PUDP: variants seen among roughly 807,000 people sequenced by gnomAD.
PUDP encodes pseudouridine 5'-phosphatase.
Under a neutral mutation model 9.4 loss-of-function variants are expected in PUDP, and 8 were observed. The observed-to-expected ratio is 0.85, with a 90% CI of 0.50 to 1.53. The LOEUF is 1.53. PUDP is among the 40% of genes most tolerant of loss of function. The pLI, the probability that PUDP is intolerant of heterozygous loss-of-function variation, is 0.00. For missense variants in PUDP, 188 were observed against 189.7 expected, an observed-to-expected ratio of 0.99 and a Z score of 0.05; for synonymous variants, 99 against 80.7, an observed-to-expected ratio of 1.23 and a Z score of -1.22.
At chrX:6,932,684 A>C (rs756704947) in intron 3 of PUDP, among the ~76,000 whole-genome samples, 2 of 112,240 alleles carry the variant, frequency 1.8e-5, no homozygotes, top group East Asian at 5.7e-4. Flanking sequence ...TCACTTGGGA[A>C]GCGCAAGGGG....
At chrX:7,105,921 T>C in intron 1 of PUDP, 83 bp from the exon 2 acceptor site, 2 of 622,431 alleles carry the variant, frequency 3.2e-6, no homozygotes, top group Non-Finnish European at 4.9e-6. Context: ...ACATACACTG[T>C]GTAGGTCTCA....
chrX:6,943,060 C>T (rs980373570), intron 3 of PUDP, among the ~76,000 whole-genome samples: 1 of 112,196 alleles, frequency 8.9e-6, no homozygotes, highest in African/African-American at 3.2e-5. Flanking sequence ...AACATCTCAT[C>T]AACCCCCTTT....
At chrX:6,848,869 C>A (rs763014558) in intron 3 of PUDP, among the ~76,000 whole-genome samples, 1 of 112,364 alleles carries the variant, frequency 8.9e-6, no homozygotes, top group Non-Finnish European at 1.9e-5. Flanking sequence ...GCCTACAGAA[C>A]CATGAGCCAA....
In PUDP at chrX:7,147,984, C is replaced by G. The variant is rs754264736; in HGVS notation, c.61+69G>C. 52 of 864,772 alleles carry G rather than the reference C, an allele frequency of 6.0e-5. No individual in the cohort carries two copies. The African/African-American group carries it at 9.9e-4, about 16-fold the overall frequency. 71.3% of individuals were successfully genotyped at this position (864,772 alleles called of 1,213,427 possible). A position where few individuals can be genotyped will look rare whatever the true frequency, so the allele number is the denominator to read the frequency against. Reference sequence around the variant, plus strand: ...CCGCGGCCCCCAGGCCGTGACGTACCCCGCGCCGACCGTCCCCACGCCCAC... The same window carrying G: ...CCGCGGCCCCCAGGCCGTGACGTACGCCGCGCCGACCGTCCCCACGCCCAC... On this transcript the variant is annotated intron_variant, in intron 1 of 3. Transcript: ENST00000381077.
At chrX:6,942,528 T>C (rs2146777603) in intron 3 of PUDP, among the ~76,000 whole-genome samples, 1 of 111,722 alleles carries the variant, frequency 9.0e-6, no homozygotes, top group African/African-American at 3.3e-5. Flanking sequence ...TCAAAATAAT[T>C]CTTAGGGCCA....
intron 1 of PUDP, among the ~76,000 whole-genome samples, chrX:7,035,873 AT>A (rs1400140416): frequency 1.8e-5 from 2 of 111,786 alleles, no homozygotes; most frequent in Non-Finnish European, 3.8e-5. Context: ...TGTTTGGGTC[AT>A]GGGGACAGAT....
intron 2 of PUDP, among the ~76,000 whole-genome samples, chrX:7,086,707 G>C (rs185287791): frequency 1.8e-5 from 2 of 112,304 alleles, no homozygotes; most frequent in African/African-American, 6.5e-5. Flanking sequence ...TGCTGCTAGG[G>C]AGAGGGCCCT....
intron 3 of PUDP, among the ~76,000 whole-genome samples, chrX:6,790,901 G>C (rs1012463807): frequency 6.3e-5 from 7 of 111,789 alleles, no homozygotes; most frequent in Non-Finnish European, 1.1e-4. Flanking sequence ...GCATTACATT[G>C]TACGTAAATT....
At chrX:6,720,270 A>G (rs1161046488) in intron 1 of PUDP, among the ~76,000 whole-genome samples, 2 of 86,284 alleles carry the variant, frequency 2.3e-5, no homozygotes, top group Non-Finnish European at 4.4e-5. Flanking sequence ...ATATATATAT[A>G]TATATATATA....
At chrX:7,109,981 CCT>C (rs1931993362) in intron 1 of PUDP, among the ~76,000 whole-genome samples, 1 of 112,238 alleles carries the variant, frequency 8.9e-6, no homozygotes, top group Non-Finnish European at 1.9e-5. Context: ...CCACTCCCCT[CCT>C]CCCAGCTGGA....
chrX:7,017,041 C>T (rs1929559689), intron 1 of PUDP, among the ~76,000 whole-genome samples: 1 of 111,838 alleles, frequency 8.9e-6, no homozygotes, highest in Admixed American at 9.5e-5. Context: ...TTACAGCAAA[C>T]ATTCTTTTTG....
chrX:6,933,875 G>A (rs1359479933), intron 3 of PUDP, among the ~76,000 whole-genome samples: 3 of 110,982 alleles, frequency 2.7e-5, no homozygotes, highest in African/African-American at 9.8e-5. Context: ...TGCAAGAAAG[G>A]GTATCAGTGA....
chrX:6,906,723 A>G (rs927374363), intron 3 of PUDP, among the ~76,000 whole-genome samples: 3 of 111,913 alleles, frequency 2.7e-5, no homozygotes, highest in Non-Finnish European at 5.6e-5. Flanking sequence ...GCTGGGGGGA[A>G]AAGTAAAACA....
intron 1 of PUDP, chrX:7,113,371 G>A (rs539628539): frequency 2.3e-4 from 26 of 114,160 alleles, no homozygotes; most frequent in East Asian, 1.4e-3. Context: ...TGTAGAATGA[G>A]GGCCGAGTAG....
At chrX:6,965,357 G>C (rs1433524258) in intron 3 of PUDP, among the ~76,000 whole-genome samples, 7 of 112,118 alleles carry the variant, frequency 6.2e-5, no homozygotes, top group Non-Finnish European at 5.6e-5. Flanking sequence ...ACATGGAAAA[G>C]ATACGTTTCT....
intron 3 of PUDP, among the ~76,000 whole-genome samples, chrX:6,785,130 A>T (rs1053058704): frequency 1.8e-5 from 2 of 112,370 alleles, no homozygotes; most frequent in Non-Finnish European, 3.8e-5. Flanking sequence ...GATCACATTG[A>T]CTGTCATCCT....
intron 1 of PUDP, among the ~76,000 whole-genome samples, chrX:7,113,567 C>A (rs1375460272): frequency 1.8e-5 from 2 of 112,500 alleles, no homozygotes; most frequent in Non-Finnish European, 3.8e-5. Flanking sequence ...GTGTGTAAAA[C>A]CACATTTTAA....
chrX:7,034,732 T>A (rs892164336), intron 1 of PUDP, among the ~76,000 whole-genome samples: 9 of 111,478 alleles, frequency 8.1e-5, no homozygotes, highest in African/African-American at 2.9e-4. Flanking sequence ...GACTGGCCCA[T>A]ACCGCCCTCT....
At chrX:7,044,799 T>C (rs913239483), downstream of PUDP, among the ~76,000 whole-genome samples, 4 of 112,960 alleles carry the variant, frequency 3.5e-5, no homozygotes, top group East Asian at 8.3e-4. Context: ...CATATGAGAA[T>C]ACTTTATACT....
Sources: gnomAD v4.1 joint callset for allele counts (sites outside exome capture counted in the v4.1 genomes callset) on GRCh38, gnomAD v4.1.1 for gene constraint, MANE v1.5 for transcripts, NCBI Gene and HGNC (gene_info 2026-07-23, HGNC 2026-07-21) for gene names.